Variants in DPP10 observed in about 807,000 individuals in gnomAD.
The protein encoded by DPP10 is dipeptidyl peptidase like 10.
In DPP10, 33 loss-of-function variants were observed where a neutral mutation model predicts 120.9. The ratio of observed to expected loss-of-function variants is 0.27; its 90% CI spans 0.21 to 0.37. The LOEUF is 0.37. DPP10 is among the 10% of genes least tolerant of loss of function. DPP10 has a pLI of 1.00. For missense variants in DPP10, 816 were observed against 942.8 expected, an observed-to-expected ratio of 0.87 and a Z score of 1.76; for synonymous variants, 337 against 326.1, an observed-to-expected ratio of 1.03 and a Z score of -0.36.
chr2:115,407,768 T>A (rs2068633399), intron 3 of DPP10, among the ~76,000 whole-genome samples: 1 of 152,014 alleles, frequency 6.6e-6, no homozygotes, highest in African/African-American at 2.4e-5. Context: ...TTAAGGTTTG[T>A]GAAATTAACT....
intron 7 of DPP10, among the ~76,000 whole-genome samples, chr2:115,722,944 A>G (rs139820605): frequency 6.6e-6 from 1 of 152,166 alleles, no homozygotes; most frequent in African/African-American, 2.4e-5. Flanking sequence ...TGTTGCCGTT[A>G]TCAAGGCAGG....
intron 24 of DPP10, among the ~76,000 whole-genome samples, chr2:115,840,319 G>GTTTTTTT (rs1310199623): frequency 0.012 from 926 of 79,516 alleles, 316 homozygotes; most frequent in East Asian, 0.018. Flanking sequence ...AGGTTTTTTG[G>GTTTTTTT]TTTTTTTTTT....
At chr2:114,859,040 T>C (rs1689592863) in intron 1 of DPP10, among the ~76,000 whole-genome samples, 1 of 151,850 alleles carries the variant, frequency 6.6e-6, no homozygotes, top group African/African-American at 2.4e-5. Context: ...GAGAAATAAA[T>C]TATTGGCCAG....
intron 1 of DPP10, among the ~76,000 whole-genome samples, chr2:114,477,145 G>A (rs1680470697): frequency 6.6e-6 from 1 of 151,838 alleles, no homozygotes; most frequent in African/African-American, 2.4e-5. Context: ...TTTTAGTAGA[G>A]GCATGGTTTC....
At chr2:115,771,222 C>T (rs974546393) in intron 13 of DPP10, among the ~76,000 whole-genome samples, 12 of 151,768 alleles carry the variant, frequency 7.9e-5, no homozygotes, top group African/African-American at 2.9e-4. Flanking sequence ...TTACAGGCAC[C>T]CGCCATCATG....
At chr2:114,558,781 T>C (rs1374147074) in intron 1 of DPP10, among the ~76,000 whole-genome samples, 1 of 152,234 alleles carries the variant, frequency 6.6e-6, no homozygotes, top group Non-Finnish European at 1.5e-5. Flanking sequence ...CTTCAACACA[T>C]TCTCCTCCCA....
At chr2:114,881,598 G>GTCTGTCTATCTATCTA (rs759393443) in intron 1 of DPP10, among the ~76,000 whole-genome samples, 48 of 141,180 alleles carry the variant, frequency 3.4e-4, no homozygotes, top group Admixed American at 6.6e-4. Flanking sequence ...CTGTCTGTCT[G>GTCTGTCTATCTATCTA]TCTATCTATC....
intron 7 of DPP10, among the ~76,000 whole-genome samples, chr2:115,692,215 T>G (rs2091357028): frequency 6.6e-6 from 1 of 151,782 alleles, no homozygotes; most frequent in African/African-American, 2.4e-5. Context: ...TTTTACAATT[T>G]TTTTTTTAGT....
chr2:115,363,822 C>T (rs2064928779), intron 3 of DPP10, among the ~76,000 whole-genome samples: 2 of 152,122 alleles, frequency 1.3e-5, no homozygotes, highest in South Asian at 4.1e-4. Flanking sequence ...GAGTGATAAC[C>T]ACAGTTATTT....
intron 1 of DPP10, among the ~76,000 whole-genome samples, chr2:114,738,133 T>G (rs1175196968): frequency 6.6e-6 from 1 of 152,096 alleles, no homozygotes; most frequent in Non-Finnish European, 1.5e-5. Context: ...GAATTCACTA[T>G]CACAAGAACA....
chr2:114,984,519 C>T (rs1400023512), intron 1 of DPP10, among the ~76,000 whole-genome samples: 1 of 152,080 alleles, frequency 6.6e-6, no homozygotes, highest in African/African-American at 2.4e-5. Flanking sequence ...CAGCTGGGTG[C>T]AGTGGCATGC....
At chr2:114,894,287 G>A (rs560557710) in intron 1 of DPP10, among the ~76,000 whole-genome samples, 13 of 152,092 alleles carry the variant, frequency 8.5e-5, no homozygotes, top group South Asian at 4.1e-4. Context: ...AGGTGCATTC[G>A]TAACTCTGGT....
At chr2:115,259,408 C>T (rs1360671263) in intron 1 of DPP10, among the ~76,000 whole-genome samples, 11 of 151,262 alleles carry the variant, frequency 7.3e-5, no homozygotes, top group Admixed American at 2.6e-4. Context: ...CACTTGAACC[C>T]GGGAGGCGGA....
chr2:115,330,630 T>A (rs2062667863), intron 2 of DPP10, among the ~76,000 whole-genome samples: 1 of 152,102 alleles, frequency 6.6e-6, no homozygotes, highest in South Asian at 2.1e-4. Flanking sequence ...AAGGAAGGGA[T>A]CCAGTTTCAG....
intron 1 of DPP10, among the ~76,000 whole-genome samples, chr2:114,920,878 G>T (rs1695149953): frequency 6.6e-6 from 1 of 152,086 alleles, no homozygotes; most frequent in African/African-American, 2.4e-5. Context: ...AGGAACCGAT[G>T]GTGATACAGG....
intron 3 of DPP10, among the ~76,000 whole-genome samples, chr2:115,375,113 T>G (rs943280641): frequency 6.6e-6 from 1 of 152,234 alleles, no homozygotes; most frequent in Non-Finnish European, 1.5e-5. Context: ...TCCCAAACTT[T>G]TATGCTCTTT....
chr2:115,223,561 G>A (rs1028271789), intron 1 of DPP10, among the ~76,000 whole-genome samples: 9 of 152,066 alleles, frequency 5.9e-5, no homozygotes, highest in Non-Finnish European at 1.2e-4. Context: ...ACTGTGTTCA[G>A]GATAATGTGA....
At position 114,522,806 on chromosome 2, in the gene DPP10, C is replaced by T. The variant is rs376314302; in HGVS notation, c.60+79968C>T. Among the ~76,000 whole-genome samples, 7 of 152,240 alleles carry T rather than the reference C, an allele frequency of 4.6e-5. No individual in the cohort carries two copies. In the East Asian group the frequency reaches 9.7e-4, roughly 21 times the overall value. ...GCAGAAGGCAAGGAGGAGCAAGTCA[C>T]GTCTTACATGGATGGCAGCAGGCAA... On this transcript the variant is annotated intron_variant, in intron 1 of 25. Transcript: ENST00000410059.
At chr2:114,634,636 T>A (rs1036633560) in intron 1 of DPP10, among the ~76,000 whole-genome samples, 1 of 151,950 alleles carries the variant, frequency 6.6e-6, no homozygotes, top group African/African-American at 2.4e-5. Context: ...TTCTCTGAGG[T>A]TTATTTTACC....
Sources: allele counts gnomAD v4.1 joint callset (sites outside exome capture counted in the v4.1 genomes callset), GRCh38; gene constraint gnomAD v4.1.1; transcripts MANE v1.5; gene names NCBI Gene and HGNC (gene_info 2026-07-23, HGNC 2026-07-21).